The following QNG1 variants were observed in gnomAD, a reference collection of about 807,000 sequenced individuals.
QNG1 encodes Q-nucleotide N-glycosylase 1, also known as queuosine 5'-phosphate N-glycosylase/hydrolase.
At chr9:83,938,853 C>G in the QNG1 span, 1 of 152,206 alleles carries the variant, frequency 6.6e-6, no homozygotes, top group Non-Finnish European at 1.5e-5. Context: ...AAGCAATCCA[C>G]CCTCCTCAGC....
the QNG1 span, among the ~76,000 whole-genome samples, chr9:83,947,485 A>G: frequency 4.6e-5 from 7 of 152,284 alleles, no homozygotes; most frequent in African/African-American, 1.7e-4. Context: ...AAAACTTCTA[A>G]AGCTACATTT....
chr9:83,948,834 A>G, the QNG1 span, among the ~76,000 whole-genome samples: 2 of 152,120 alleles, frequency 1.3e-5, no homozygotes, highest in African/African-American at 4.8e-5. Context: ...GGGTCCACTC[A>G]GGGTTAAATG....
chr9:83,944,876 A>C, the QNG1 span: 1 of 1,614,086 alleles, frequency 6.2e-7, no homozygotes, highest in Non-Finnish European at 8.5e-7. Flanking sequence ...TATAATCAGC[A>C]AACATGGTGA....
chr9:83,943,287 C>T, the QNG1 span, among the ~76,000 whole-genome samples: 95 of 144,516 alleles, frequency 6.6e-4, no homozygotes, highest in Non-Finnish European at 1.2e-3. Flanking sequence ...TTCTGGTGAG[C>T]CGAGATCACG....
chr9:83,954,849 T>C, the QNG1 span, among the ~76,000 whole-genome samples: 2,071 of 100,788 alleles, frequency 0.021, 73 homozygotes, highest in African/African-American at 0.075. Context: ...CACTGCACTC[T>C]AGCCTGGGTG....
chr9:83,956,562 T>A, the QNG1 span: 1 of 1,401,932 alleles, frequency 7.1e-7, no homozygotes, highest in Non-Finnish European at 9.6e-7. Flanking sequence ...AGGTCCACTC[T>A]GCGCCTTGCG....
chr9:83,945,420 T>C, the QNG1 span, among the ~76,000 whole-genome samples: 1 of 149,740 alleles, frequency 6.7e-6, no homozygotes, highest in African/African-American at 2.5e-5. Context: ...AAAAAAAAAT[T>C]CATAGATCTT....
the QNG1 span, chr9:83,939,760 C>T: frequency 2.0e-5 from 31 of 1,579,258 alleles, no homozygotes; most frequent in African/African-American, 3.9e-4. Flanking sequence ...GGGGGAAAAG[C>T]AGTAAGAAAA....
the QNG1 span, among the ~76,000 whole-genome samples, chr9:83,949,324 T>G: frequency 6.6e-6 from 1 of 152,168 alleles, no homozygotes; most frequent in Non-Finnish European, 1.5e-5. Context: ...CAACCAGGTT[T>G]CTAGTTCAAG....
chr9:83,953,837 A>T, the QNG1 span: 1 of 1,542,534 alleles, frequency 6.5e-7, no homozygotes, highest in Non-Finnish European at 8.8e-7. Context: ...TCATTTGTTC[A>T]AGTACACTGT....
the QNG1 span, among the ~76,000 whole-genome samples, chr9:83,945,796 G>A: frequency 1.2e-4 from 18 of 151,852 alleles, no homozygotes; most frequent in Non-Finnish European, 2.6e-4. Context: ...AAGAGACGGG[G>A]TTTCACTGTG....
chr9:83,955,696 A>T, the QNG1 span: 8 of 1,522,664 alleles, frequency 5.3e-6, no homozygotes, highest in Non-Finnish European at 7.2e-6. Context: ...TATGCATTAA[A>T]CCCTTGCTTT....
At chr9:83,950,552 A>T in the QNG1 span, among the ~76,000 whole-genome samples, 3 of 151,826 alleles carry the variant, frequency 2.0e-5, no homozygotes, top group African/African-American at 7.3e-5. Context: ...ATAATTGTCA[A>T]TAAAAAGCTC....
At chr9:83,953,826 A>C in the QNG1 span, 3 of 1,547,836 alleles carry the variant, frequency 1.9e-6, no homozygotes, top group Non-Finnish European at 2.6e-6. Flanking sequence ...CAAAATGATC[A>C]TCATTTGTTC....
At chr9:83,939,746 G>C in the QNG1 span, 14 of 1,607,086 alleles carry the variant, frequency 8.7e-6, no homozygotes, top group Non-Finnish European at 1.2e-5. Context: ...CATTTCTCCT[G>C]CAAGGGGGAA....
the QNG1 span, among the ~76,000 whole-genome samples, chr9:83,954,879 C>CAAAAAA: frequency 4.3e-5 from 2 of 47,038 alleles, no homozygotes; most frequent in Admixed American, 3.6e-4. Context: ...GAGTCCATCT[C>CAAAAAA]AAAAAAAAAA....
the QNG1 span, chr9:83,953,818 A>C: frequency 6.5e-7 from 1 of 1,548,914 alleles, no homozygotes; most frequent in Non-Finnish European, 8.7e-7. Flanking sequence ...GGGTCCAACA[A>C]AATGATCATC....
At chr9:83,954,621 C>T in the QNG1 span, among the ~76,000 whole-genome samples, 1 of 151,350 alleles carries the variant, frequency 6.6e-6, no homozygotes, top group Admixed American at 6.6e-5. Context: ...GTGGCTCACG[C>T]CTGTAATCCC....
the QNG1 span, chr9:83,939,719 C>T: frequency 2.5e-6 from 4 of 1,614,124 alleles, no homozygotes; most frequent in Non-Finnish European, 3.4e-6. Flanking sequence ...CACCTCTTGC[C>T]TGTCTCCATA....
Sources: allele counts gnomAD v4.1 joint callset (sites outside exome capture counted in the v4.1 genomes callset), GRCh38; gene constraint gnomAD v4.1.1; transcripts MANE v1.5; gene names NCBI Gene and HGNC (gene_info 2026-07-23, HGNC 2026-07-21).